The following CEP152 variants were observed in gnomAD, a reference collection of about 807,000 sequenced individuals.
CEP152 encodes centrosomal protein 152.
A neutral mutation model predicts 188.9 loss-of-function variants in CEP152; 132 were observed. The observed-to-expected ratio is 0.70, with a 90% confidence interval of 0.61 to 0.81. CEP152 has a LOEUF of 0.81. Ranked by LOEUF, CEP152 falls within the 30% of genes least tolerant of loss-of-function variation. The pLI, the probability that CEP152 is intolerant of heterozygous loss-of-function variation, is 0.00. For missense variants in CEP152, 1,914 were observed against 1,969.8 expected (o/e 0.97, Z 0.54); for synonymous variants, 649 against 666.6 (o/e 0.97, Z 0.41).
In CEP152 at chr15:48,745,263, C is replaced by T. The variant is rs375100958; in HGVS notation, c.3635-271G>A. Reference sequence around the variant, plus strand: ...GTTTCAGATGCCTGTGTTTTGTTTTCCAACTGTGCTGAAGCTCTGTAGAAA... The same window carrying T: ...GTTTCAGATGCCTGTGTTTTGTTTTTCAACTGTGCTGAAGCTCTGTAGAAA... On this transcript the variant is annotated intron_variant, in intron 22 of 26. Transcript: ENST00000380950. Among the ~76,000 whole-genome samples the T allele has an allele frequency of 2.2e-4, 34 of 152,106 alleles. No homozygotes were observed. In the East Asian group the frequency reaches 6.2e-3, roughly 28 times the overall value.
At chr15:48,794,069 T>G (rs1306541050) in intron 6 of CEP152, among the ~76,000 whole-genome samples, 1 of 152,100 alleles carries the variant, frequency 6.6e-6, no homozygotes, top group Non-Finnish European at 1.5e-5. Flanking sequence ...GGAGAAGGGT[T>G]GAAAAACTAT....
chr15:48,746,255 C>G (rs1401768391), intron 22 of CEP152, among the ~76,000 whole-genome samples: 1 of 152,154 alleles, frequency 6.6e-6, no homozygotes, highest in Non-Finnish European at 1.5e-5. Context: ...TATCAACTTT[C>G]TTCGATTATT....
At chr15:48,764,736 A>G (rs2140731861) in intron 17 of CEP152, among the ~76,000 whole-genome samples, 1 of 152,262 alleles carries the variant, frequency 6.6e-6, no homozygotes, top group East Asian at 1.9e-4. Flanking sequence ...AAGCTTTAAA[A>G]CTTGGAATTG....
rs376736548 is a variant in CEP152 at position 48,797,470 on chromosome 15, C to A, written c.371G>T (p.Gly124Val). ...ATAACCACTTCCACCTTCATCTCCA[C>A]CTTCTTCAGGATGGTACACAGGATG... Reference protein sequence around the residue: ...DRHPVYHPEEGGDEGGSGYSP... With the variant: ...DRHPVYHPEEVGDEGGSGYSP... The change falls in exon 5 of 27, where the codon GGT becomes GTT. Residue 124 changes from glycine (G) to valine (V), a missense_variant. Coordinates refer to ENST00000380950, the MANE Select transcript of CEP152 (RefSeq NM_001194998.2). 1 of 1,614,190 alleles carries A rather than the reference C, an allele frequency of 6.2e-7. No individual in the cohort carries two copies. The highest frequency in any genetic ancestry group is 1.7e-5 in the Admixed American group (1 of 60,022).
chr15:48,772,436 C>G, intron 13 of CEP152, 51 bp downstream of exon 13: 2 of 1,467,524 alleles, frequency 1.4e-6, no homozygotes, highest in Non-Finnish European at 1.9e-6. Flanking sequence ...TAAAAGTTTT[C>G]TTTATTGAGC....
chr15:48,772,647 T>G lies in CEP152; in HGVS notation c.1622A>C (p.Glu541Ala). 1.2e-6 allele frequency: 2 copies of G among 1,614,130 alleles called. No homozygotes were observed. Among genetic ancestry groups the G allele is most frequent in the African/African-American group, 1.3e-5 (1 of 75,052 alleles). The change falls in exon 13 of 27, where the codon GAG becomes GCG. Residue 541 changes from glutamate to alanine, a missense_variant. Transcript: ENST00000380950. ...EDPNEELSKD[E>A]FILKLKAEVQ... ...TTCTGCCTTTAACTTCAGAATGAACTCATCTTTTGAAAGCTCTTCATTTGG... is the reference window on the plus strand; with the variant it reads ...TTCTGCCTTTAACTTCAGAATGAACGCATCTTTTGAAAGCTCTTCATTTGG...
intron 8 of CEP152, among the ~76,000 whole-genome samples, chr15:48,790,830 A>G (rs1001773784): frequency 5.3e-5 from 8 of 152,194 alleles, no homozygotes; most frequent in African/African-American, 1.9e-4. Flanking sequence ...GGCTTCCCAA[A>G]GTGCTGGGAT....
Position 48,738,605 on chromosome 15 carries a change from C to T in CEP152, c.4777G>A (p.Gly1593Ser). 6.2e-7 allele frequency: 1 copy of T among 1,614,122 alleles called. No homozygotes were observed. Among genetic ancestry groups the T allele is most frequent in the South Asian group, 1.1e-5 (1 of 91,078 alleles). The change falls in exon 27 of 27, where the codon GGT (glycine) becomes AGT (serine). Residue 1593 changes from glycine to serine, a missense_variant. Physicochemically the swap from Gly to Ser is moderately conservative, Grantham distance 56. Transcript: ENST00000380950. The stretch of plus-strand genomic sequence containing the variant: ...ATTTCCAAAGTTCCTTGTGGCCTAC[C>T]ATGTACAAATGATGCTTCACGACTG... ...FDSREASFVHGRPQGTLEIPS... is the reference protein window; with the variant it reads ...FDSREASFVHSRPQGTLEIPS...
chr15:48,729,752 G>A (rs1173492108), intron 2 of CEP152: 1 of 151,950 alleles, frequency 6.6e-6, no homozygotes, highest in Non-Finnish European at 1.5e-5. Context: ...CTATGTACAT[G>A]CATACATATG....
At chr15:48,744,040 T>G (rs1329357605) in intron 24 of CEP152, among the ~76,000 whole-genome samples, 200 bp downstream of exon 24, 1 of 152,174 alleles carries the variant, frequency 6.6e-6, no homozygotes, top group East Asian at 1.9e-4. Flanking sequence ...CTCACATCAC[T>G]TCCAAAAGAT....
At chr15:48,747,269 T>C (rs947917768) in intron 22 of CEP152, among the ~76,000 whole-genome samples, 1 of 152,192 alleles carries the variant, frequency 6.6e-6, no homozygotes, top group Non-Finnish European at 1.5e-5. Context: ...ATAAACTTAT[T>C]AACCTGGTCT....
intron 1 of CEP152, among the ~76,000 whole-genome samples, chr15:48,808,516 CTGACA>C (rs570769364): frequency 8.5e-5 from 13 of 152,108 alleles, no homozygotes; most frequent in African/African-American, 2.9e-4. Flanking sequence ...AATTGGGCGA[CTGACA>C]TGACAATTTA....
At chr15:48,740,974 G>A in intron 26 of CEP152, 2 of 939,942 alleles carry the variant, frequency 2.1e-6, no homozygotes, top group Non-Finnish European at 2.5e-6. Context: ...TATTTCTCCT[G>A]GAACATATCA....
At chr15:48,765,874 G>C (rs188259131) in intron 17 of CEP152, among the ~76,000 whole-genome samples, 1 of 151,738 alleles carries the variant, frequency 6.6e-6, no homozygotes, top group East Asian at 1.9e-4. Context: ...GGATGGTCTC[G>C]ATCTCCTGAC....
chr15:48,776,914 A>C (rs1895954662), intron 12 of CEP152, among the ~76,000 whole-genome samples: 6 of 152,118 alleles, frequency 3.9e-5, no homozygotes, highest in African/African-American at 1.4e-4. Context: ...GAAAAGAAAT[A>C]AACAGTTGAC....
intron 24 of CEP152, among the ~76,000 whole-genome samples, 196 bp from the exon 25 acceptor site, chr15:48,742,296 A>G (rs760553320): frequency 2.0e-5 from 3 of 152,216 alleles, no homozygotes; most frequent in African/African-American, 7.2e-5. Flanking sequence ...GAAGTACTCT[A>G]TAAGTTCTTT....
chr15:48,791,461 T>A lies in CEP152; in HGVS notation c.833-85A>T. 5.9e-6 allele frequency: 7 copies of A among 1,178,858 alleles called. No homozygotes were observed. The South Asian group carries it at 9.1e-5, about 15-fold the overall frequency. 73.0% of individuals were successfully genotyped at this position (1,178,858 alleles called of 1,614,324 possible). ...ATCCCAATCAGATGTCACGTCTGTA[T>A]CATATATAAATGTTGTTGAATTAAA... On this transcript the variant is annotated intron_variant, in intron 7 of 26. Transcript: ENST00000380950.
intron 24 of CEP152, among the ~76,000 whole-genome samples, chr15:48,743,848 G>C (rs2140579027): frequency 6.6e-6 from 1 of 151,948 alleles, no homozygotes; most frequent in Middle Eastern, 3.4e-3. Flanking sequence ...GGTTGACAGA[G>C]TGAGATTCCG....
intron 1 of CEP152, among the ~76,000 whole-genome samples, chr15:48,807,162 C>A (rs1200326757): frequency 6.6e-6 from 1 of 152,164 alleles, no homozygotes; most frequent in Non-Finnish European, 1.5e-5. Context: ...ACACCTATTC[C>A]TTTCTACCCT....
Sources: gnomAD v4.1 joint callset for allele counts (sites outside exome capture counted in the v4.1 genomes callset) on GRCh38, gnomAD v4.1.1 for gene constraint, MANE v1.5 for transcripts, NCBI Gene and HGNC (gene_info 2026-07-23, HGNC 2026-07-21) for gene names.